Variants in STK39 observed in about 807,000 individuals in gnomAD.
STK39 encodes the protein STE20/SPS1-related proline-alanine-rich protein kinase.
A neutral mutation model predicts 77.8 loss-of-function variants in STK39; 20 were observed. The observed-to-expected ratio is 0.26, with a 90% CI of 0.18 to 0.37. STK39 has a LOEUF of 0.37. STK39 is among the 10% of genes least tolerant of loss of function. The pLI is 1.00. For missense variants in STK39, 479 were observed against 656.5 expected (o/e 0.73, Z 2.95); for synonymous variants, 246 against 234.1 (o/e 1.05, Z -0.47).
Position 168,127,404 on chromosome 2 carries a change from C to T in STK39, c.1089+2137G>A, listed in dbSNP as rs565838700. On this transcript the variant is annotated intron_variant, in intron 10 of 17. Coordinates refer to ENST00000355999, the MANE Select transcript of STK39 (RefSeq NM_013233.3). ...GACCTTGTGATTCACCTGCCTCGGC[C>T]TCCCAAAGTACTAGGATTACAGGTG... Among the ~76,000 whole-genome samples, 11 of 152,322 alleles carry T rather than the reference C, an allele frequency of 7.2e-5. No individual in the cohort carries two copies. The South Asian group carries it at 2.3e-3, about 32-fold the overall frequency.
Position 167,955,370 on chromosome 2 carries a change from A to G in STK39, c.*126T>C, listed in dbSNP as rs1160136521. 4 of 902,508 alleles carry G rather than the reference A, an allele frequency of 4.4e-6. No individual in the cohort carries two copies. In the South Asian group the frequency reaches 5.3e-5, roughly 12 times the overall value. 55.9% of individuals were successfully genotyped at this position (902,508 alleles called of 1,614,324 possible). On this transcript the variant is annotated 3_prime_UTR_variant, in exon 18 of 18. Coordinates refer to ENST00000355999, the MANE Select transcript of STK39 (RefSeq NM_013233.3). ...TTTTGTTGAAGCCGGCCTCTTCACA[A>G]TCTTCTGATTTTGCTAGGAAATGGG... is the stretch of plus-strand genomic sequence containing the variant.
chr2:168,121,307 C>T (rs1291730303), intron 10 of STK39, among the ~76,000 whole-genome samples: 1 of 152,192 alleles, frequency 6.6e-6, no homozygotes, highest in African/African-American at 2.4e-5. Flanking sequence ...TCTTCAAGAA[C>T]AATTGTTTGG....
chr2:168,147,947 T>C (rs571835325), intron 5 of STK39, among the ~76,000 whole-genome samples: 3 of 152,324 alleles, frequency 2.0e-5, no homozygotes, highest in East Asian at 3.9e-4. Flanking sequence ...CAGACTTACT[T>C]ATTACATCCA....
intron 10 of STK39, among the ~76,000 whole-genome samples, chr2:168,098,101 CTTT>C (rs1026264539): frequency 1.7e-4 from 26 of 152,342 alleles, no homozygotes; most frequent in African/African-American, 6.3e-4. Context: ...ATTTACTCTT[CTTT>C]ATCATTCTTC....
intron 14 of STK39, among the ~76,000 whole-genome samples, chr2:168,027,316 C>T (rs1299650306): frequency 6.6e-6 from 1 of 152,154 alleles, no homozygotes; most frequent in Non-Finnish European, 1.5e-5. Context: ...CAAACCCTTG[C>T]CCTTACATTT....
intron 1 of STK39, among the ~76,000 whole-genome samples, chr2:168,233,286 G>T (rs186067104): frequency 1.2e-3 from 190 of 152,276 alleles, no homozygotes; most frequent in African/African-American, 4.3e-3. Context: ...TCAGAAACTT[G>T]AAAGGGCATA....
intron 1 of STK39, among the ~76,000 whole-genome samples, chr2:168,207,661 T>G (rs1237718811): frequency 2.0e-5 from 3 of 152,102 alleles, no homozygotes; most frequent in Non-Finnish European, 4.4e-5. Flanking sequence ...CATGAAAAAA[T>G]TATTTGAGAT....
At chr2:167,984,657 A>G (rs1683511874) in intron 16 of STK39, among the ~76,000 whole-genome samples, 1 of 152,232 alleles carries the variant, frequency 6.6e-6, no homozygotes, top group Non-Finnish European at 1.5e-5. Flanking sequence ...GTTAGTGTTT[A>G]TATCAAAGTT....
intron 5 of STK39, among the ~76,000 whole-genome samples, chr2:168,154,643 G>C (rs1007612336): frequency 1.1e-4 from 17 of 152,146 alleles, no homozygotes; most frequent in Admixed American, 9.8e-4. Flanking sequence ...CCAGGTATAG[G>C]CATTCCCTTC....
In STK39 at chr2:168,065,379, A is replaced by T. The variant is rs943081194; in HGVS notation, c.1245T>A (p.Ile415=). The change falls in exon 13 of 18, where the codon ATT becomes ATA. Residue 415 remains isoleucine (I), a splice_region_variant and synonymous_variant. Coordinates refer to ENST00000355999, the MANE Select transcript of STK39 (RefSeq NM_013233.3). ...CGGGGATGGTGCTGGCACTCACTGCAATCTGTTACGAGAGCCACCGTTACA... is the reference window on the plus strand; with the variant it reads ...CGGGGATGGTGCTGGCACTCACTGCTATCTGTTACGAGAGCCACCGTTACA... The part of the protein sequence containing the change: ...SRRVKEENPE[I]AVSASTIPEQ... The T allele has an allele frequency of 1.2e-6, 2 of 1,613,962 alleles. No individual in the cohort carries two copies. The highest frequency in any genetic ancestry group is 1.7e-6 in the Non-Finnish European group (2 of 1,179,946).
In STK39 at chr2:168,107,394, C is replaced by T. The variant is rs973123413; in HGVS notation, c.1089+22147G>A. ...AGTTTCCCAGAAGGATGTCTAACCT[C>T]ACTTGTCACGTGCCTTCTTGAAAGA... On this transcript the variant is annotated intron_variant, in intron 10 of 17. Transcript: ENST00000355999. 4.6e-5 allele frequency among the ~76,000 whole-genome samples: 7 copies of T among 152,184 alleles called. No individual in the cohort carries two copies. In the East Asian group the frequency reaches 9.6e-4, roughly 21 times the overall value.
rs998938032 is a variant in STK39, at chr2:168,078,852, G to A, written c.1090-3621C>T. 2.0e-5 allele frequency among the ~76,000 whole-genome samples: 3 copies of A among 151,892 alleles called. No homozygotes were observed. The East Asian group carries it at 5.8e-4, about 29-fold the overall frequency. ...CCTTGGAGTGATTTTTACCCCTTCG[G>A]TGGGAATCCTGCACTCAGCCTCTCC... On this transcript the variant is annotated intron_variant, in intron 10 of 17. Transcript: ENST00000355999.
intron 1 of STK39, among the ~76,000 whole-genome samples, chr2:168,204,461 G>C (rs1190966468): frequency 6.6e-6 from 1 of 152,214 alleles, no homozygotes. Flanking sequence ...TCAAGTTACA[G>C]ACGAGACCAA....
Position 168,138,172 on chromosome 2 carries a change from A to G in STK39, c.890T>C (p.Val297Ala). ...CTTTTTCATCATTTCTTTATCCTCT[A>G]CCCCTGTTTCCAAAGTGGGTGGATC... is the stretch of plus-strand genomic sequence containing the variant. The part of the protein sequence containing the change: ...QNDPPTLETG[V>A]EDKEMMKKYG... Residue 297 changes from valine to alanine, a missense_variant, in exon 8 of 18, where the codon GTA (valine) becomes GCA (alanine). Around this residue, in one of 3 missense-constraint regions of STK39, gnomAD observed 244 missense variants for 296.8 expected, o/e 0.82. Transcript: ENST00000355999. The G allele has an allele frequency of 1.2e-6, 2 of 1,613,708 alleles. No homozygotes were observed. The highest frequency in any genetic ancestry group is 2.2e-5 in the East Asian group (1 of 44,830).
intron 16 of STK39, among the ~76,000 whole-genome samples, chr2:167,990,833 C>T (rs1237056412): frequency 1.3e-5 from 2 of 152,160 alleles, no homozygotes; most frequent in Admixed American, 6.5e-5. Context: ...CAAATTCCTG[C>T]GTACATGGAG....
chr2:168,101,636 G>C (rs1686829987), intron 10 of STK39, among the ~76,000 whole-genome samples: 1 of 152,054 alleles, frequency 6.6e-6, no homozygotes, highest in Non-Finnish European at 1.5e-5. Flanking sequence ...TACTCTGGAG[G>C]CTGGGACACA....
At chr2:168,134,530 T>C (rs1257115861) in intron 8 of STK39, among the ~76,000 whole-genome samples, 1 of 144,944 alleles carries the variant, frequency 6.9e-6, no homozygotes, top group Non-Finnish European at 1.5e-5. Flanking sequence ...AAAAAAAAAG[T>C]TGGTTCTTTT....
intron 10 of STK39, among the ~76,000 whole-genome samples, chr2:168,100,479 G>A (rs114180576): frequency 0.087 from 13,159 of 152,068 alleles, 1,230 homozygotes; most frequent in African/African-American, 0.23. Flanking sequence ...ACCCAGGCTG[G>A]TCTCGAACTC....
intron 8 of STK39, among the ~76,000 whole-genome samples, chr2:168,130,734 T>C (rs1487619949): frequency 6.6e-6 from 1 of 152,254 alleles, no homozygotes; most frequent in African/African-American, 2.4e-5. Flanking sequence ...CCTACTTCTA[T>C]CTTCCTTGTT....
Sources: gnomAD v4.1 joint callset for allele counts (sites outside exome capture counted in the v4.1 genomes callset) on GRCh38, gnomAD v4.1.1 for gene constraint, gnomAD v4.1.1 regional missense constraint, MANE v1.5 for transcripts, NCBI Gene and HGNC (gene_info 2026-07-23, HGNC 2026-07-21) for gene names.